ANTXR1: variants seen among roughly 807,000 people sequenced by gnomAD.
The protein encoded by ANTXR1 is ANTXR cell adhesion molecule 1.
Under a neutral mutation model 78.1 loss-of-function variants are expected in ANTXR1, and 19 were observed. That is an observed-to-expected ratio of 0.24 (90% confidence interval 0.17 to 0.36). The LOEUF is 0.36. ANTXR1 is among the 10% of genes least tolerant of loss of function. The pLI, the probability that ANTXR1 is intolerant of heterozygous loss-of-function variation, is 1.00. For synonymous variants in ANTXR1, 273 were observed against 260.5 expected (o/e 1.05, Z -0.46); for missense variants, 518 against 718.6 (o/e 0.72, Z 3.19).
At chr2:69,193,800 G>A (rs1447312412) in intron 17 of ANTXR1, among the ~76,000 whole-genome samples, 2 of 152,162 alleles carry the variant, frequency 1.3e-5, no homozygotes, top group African/African-American at 4.8e-5. Flanking sequence ...GCTGGCCACT[G>A]GCCACACAAG....
intron 14 of ANTXR1, among the ~76,000 whole-genome samples, chr2:69,171,253 G>T (rs879348189): frequency 6.6e-6 from 1 of 152,134 alleles, no homozygotes; most frequent in East Asian, 1.9e-4. Flanking sequence ...TGAACCATAC[G>T]CATGTAAGCC....
chr2:69,225,885 G>T (rs920551321), intron 17 of ANTXR1, among the ~76,000 whole-genome samples: 1 of 152,172 alleles, frequency 6.6e-6, no homozygotes, highest in Non-Finnish European at 1.5e-5. Context: ...AGGCTGAAAG[G>T]CAAGAAAGGA....
intron 13 of ANTXR1, among the ~76,000 whole-genome samples, chr2:69,166,018 A>C (rs1376429214): frequency 6.6e-6 from 1 of 152,218 alleles, no homozygotes; most frequent in East Asian, 1.9e-4. Context: ...AAATAGTTCA[A>C]CTTCCCAGGC....
Position 69,077,405 on chromosome 2 carries a change from C to T in ANTXR1, c.562-3C>T. On this transcript the variant is annotated splice_region_variant and splice_polypyrimidine_tract_variant and intron_variant, in intron 7 of 17. Coordinates refer to ENST00000303714, the MANE Select transcript of ANTXR1 (RefSeq NM_032208.3). ...TGTGTTTGTGTATTTGCTGTGTTCT[C>T]AGCTGGCCCGGATTGCGGACAGTAA... The T allele has an allele frequency of 1.9e-6, 3 of 1,614,178 alleles. No homozygotes were observed. The highest frequency in any genetic ancestry group is 2.5e-6 in the Non-Finnish European group (3 of 1,180,022).
chr2:69,115,240 C>CAGTG (rs1672105512), intron 10 of ANTXR1, among the ~76,000 whole-genome samples: 2 of 152,200 alleles, frequency 1.3e-5, no homozygotes, highest in African/African-American at 4.8e-5. Context: ...ATATTCATGT[C>CAGTG]CAAAGATCCT....
At chr2:69,084,928 C>T (rs1172147489) in intron 8 of ANTXR1, among the ~76,000 whole-genome samples, 1 of 148,364 alleles carries the variant, frequency 6.7e-6, no homozygotes, top group African/African-American at 2.5e-5. Context: ...TCTCGGCTCA[C>T]TGCAAGCTCT....
chr2:69,156,673 A>C (rs1673533917), intron 13 of ANTXR1, among the ~76,000 whole-genome samples: 2 of 152,216 alleles, frequency 1.3e-5, no homozygotes, highest in African/African-American at 2.4e-5. Context: ...AGCAGGAGGA[A>C]GAGAAGAACG....
chr2:69,135,275 C>A (rs73934747), intron 12 of ANTXR1: 22,651 of 158,956 alleles, frequency 0.14, 1,839 homozygotes, highest in East Asian at 0.39. Flanking sequence ...CTAAGTTTGA[C>A]ATTTCCTTGT....
chr2:69,062,635 C>T (rs1670279846), intron 3 of ANTXR1, among the ~76,000 whole-genome samples: 1 of 152,162 alleles, frequency 6.6e-6, no homozygotes, highest in Admixed American at 6.6e-5. Flanking sequence ...CAATATTATA[C>T]CGAAGTCTCC....
At chr2:69,146,075 A>T in intron 12 of ANTXR1, 1 of 985,480 alleles carries the variant, frequency 1.0e-6, no homozygotes, top group Non-Finnish European at 1.2e-6. Flanking sequence ...AGAGAATGTC[A>T]TCCCTAATGA....
At chr2:69,180,546 A>G (rs75560557) in intron 14 of ANTXR1, among the ~76,000 whole-genome samples, 6,059 of 152,324 alleles carry the variant, frequency 0.04, 418 homozygotes, top group African/African-American at 0.14. Flanking sequence ...CTTAAAAAAT[A>G]TAAACACTAA....
At chr2:69,212,961 CTTTTTTT>C (rs747933496) in intron 17 of ANTXR1, among the ~76,000 whole-genome samples, 8 of 98,062 alleles carry the variant, frequency 8.2e-5, no homozygotes, top group African/African-American at 1.7e-4. Context: ...TGCACATCAC[CTTTTTTT>C]TTTTTTTTTT....
At chr2:69,078,364 G>A (rs750083816) in intron 8 of ANTXR1, among the ~76,000 whole-genome samples, 20 of 152,150 alleles carry the variant, frequency 1.3e-4, no homozygotes, top group Non-Finnish European at 2.4e-4. Context: ...TACAGACTTG[G>A]GGTCCAGGAT....
intron 3 of ANTXR1, among the ~76,000 whole-genome samples, chr2:69,060,547 G>A (rs1464770664): frequency 6.6e-6 from 1 of 152,224 alleles, no homozygotes; most frequent in African/African-American, 2.4e-5. Context: ...GAAAGAACAG[G>A]TGGTAAGGTA....
chr2:69,197,975 G>GA (rs1244328630), intron 17 of ANTXR1, among the ~76,000 whole-genome samples: 2 of 152,066 alleles, frequency 1.3e-5, no homozygotes, highest in African/African-American at 4.8e-5. Flanking sequence ...ACATATCCTT[G>GA]AATAATATCA....
At chr2:69,122,743 C>G (rs980072081) in intron 10 of ANTXR1, among the ~76,000 whole-genome samples, 7 of 152,236 alleles carry the variant, frequency 4.6e-5, no homozygotes, top group Admixed American at 2.6e-4. Context: ...ATCCCTCCCC[C>G]CTCCTCCCAC....
intron 14 of ANTXR1, among the ~76,000 whole-genome samples, chr2:69,178,663 A>AC (rs1674195409): frequency 6.6e-6 from 1 of 152,170 alleles, no homozygotes; most frequent in African/African-American, 2.4e-5. Context: ...CATGCATCTT[A>AC]CTATATCCTG....
At chr2:69,055,158 T>C (rs1670033660) in intron 3 of ANTXR1, among the ~76,000 whole-genome samples, 1 of 152,166 alleles carries the variant, frequency 6.6e-6, no homozygotes, top group Non-Finnish European at 1.5e-5. Flanking sequence ...TGGCCCCAAA[T>C]CCTCCTGGAC....
At chr2:69,062,160 AG>A (rs761575205) in intron 3 of ANTXR1, among the ~76,000 whole-genome samples, 4 of 152,184 alleles carry the variant, frequency 2.6e-5, no homozygotes, top group Non-Finnish European at 5.9e-5. Context: ...GATAAGGAAA[AG>A]TCAGCTGAGT....
Sources: gnomAD v4.1 joint callset for allele counts (sites outside exome capture counted in the v4.1 genomes callset) on GRCh38, gnomAD v4.1.1 for gene constraint, MANE v1.5 for transcripts, NCBI Gene and HGNC (gene_info 2026-07-23, HGNC 2026-07-21) for gene names.